GAP43: variants seen among roughly 807,000 people sequenced by gnomAD.
GAP43 encodes the protein growth associated protein 43.
Under a neutral mutation model 18.6 loss-of-function variants are expected in GAP43, and 6 were observed. The ratio of observed to expected loss-of-function variants is 0.32; its 90% CI spans 0.18 to 0.64. The LOEUF is 0.64. Ranked by LOEUF, GAP43 falls within the 30% of genes least tolerant of loss-of-function variation. The pLI is 0.78. For synonymous variants in GAP43, 115 were observed against 111.4 expected, an observed-to-expected ratio of 1.03 and a Z score of -0.20; for missense variants, 292 against 295.5, an observed-to-expected ratio of 0.99 and a Z score of 0.09.
Position 115,716,985 on chromosome 3 carries a change from G to A in GAP43, c.629-3809G>A, listed in dbSNP as rs192679339. On this transcript the variant is annotated intron_variant, in intron 2 of 2. Transcript: ENST00000305124. ...AGTGCCGAATTGCTAAAATGAGTTT[G>A]GCCACCTGATATAATCGGAAAAACT... Among the ~76,000 whole-genome samples, 571 of 151,778 alleles carry A rather than the reference G, an allele frequency of 3.8e-3. 6 individuals carry two copies. The highest frequency in any genetic ancestry group is 0.013 in the African/African-American group (552 of 41,362).
At chr3:115,635,192 T>G (rs947353831) in intron 1 of GAP43, among the ~76,000 whole-genome samples, 1 of 152,148 alleles carries the variant, frequency 6.6e-6, no homozygotes, top group Non-Finnish European at 1.5e-5. Context: ...GGAAATTGTT[T>G]TCTCTATCAC....
chr3:115,686,900 C>T (rs1047603925), intron 2 of GAP43, among the ~76,000 whole-genome samples: 2 of 152,086 alleles, frequency 1.3e-5, no homozygotes, highest in African/African-American at 2.4e-5. Flanking sequence ...AGATGCTTTT[C>T]GTGCTAGGAG....
At chr3:115,635,784 TC>T (rs1395952252) in intron 1 of GAP43, among the ~76,000 whole-genome samples, 9 of 151,902 alleles carry the variant, frequency 5.9e-5, no homozygotes, top group Admixed American at 5.9e-4. Context: ...AACTTAGGAC[TC>T]AATTCAGTTT....
intron 2 of GAP43, among the ~76,000 whole-genome samples, chr3:115,716,932 A>G (rs1334814106): frequency 1.3e-5 from 2 of 151,408 alleles, no homozygotes; most frequent in Non-Finnish European, 2.9e-5. Flanking sequence ...GGTCACTAAA[A>G]CCCTATGGAC....
intron 2 of GAP43, among the ~76,000 whole-genome samples, chr3:115,710,930 C>T (rs891817253): frequency 1.3e-5 from 2 of 152,082 alleles, no homozygotes; most frequent in African/African-American, 4.8e-5. Context: ...TCCAGCCTGC[C>T]AAGGCATAAA....
chr3:115,712,993 G>A (rs910716188), intron 2 of GAP43, among the ~76,000 whole-genome samples: 1 of 152,126 alleles, frequency 6.6e-6, no homozygotes, highest in Admixed American at 6.6e-5. Context: ...AAATATACTG[G>A]CTCAGTGTTT....
chr3:115,624,356 A>T (rs1708157269), intron 1 of GAP43, among the ~76,000 whole-genome samples: 1 of 151,748 alleles, frequency 6.6e-6, no homozygotes, highest in South Asian at 2.1e-4. Context: ...GAAATTGGCC[A>T]TGCAGAAGGA....
intron 1 of GAP43, among the ~76,000 whole-genome samples, chr3:115,669,514 C>T (rs1048374974): frequency 6.6e-6 from 1 of 152,184 alleles, no homozygotes; most frequent in Non-Finnish European, 1.5e-5. Context: ...CAAGGTACTT[C>T]TCAAAGGCTG....
intron 1 of GAP43, among the ~76,000 whole-genome samples, chr3:115,650,201 T>C (rs1372529366): frequency 6.6e-6 from 1 of 152,112 alleles, no homozygotes; most frequent in East Asian, 1.9e-4. Context: ...TCTCATCCTG[T>C]GGTTATTTTT....
At chr3:115,707,026 T>C (rs576665512) in intron 2 of GAP43, among the ~76,000 whole-genome samples, 1 of 152,324 alleles carries the variant, frequency 6.6e-6, no homozygotes, top group African/African-American at 2.4e-5. Context: ...TACATTTTGA[T>C]TACCTATATG....
chr3:115,678,298 C>A (rs1234677407), intron 2 of GAP43, among the ~76,000 whole-genome samples: 1 of 152,142 alleles, frequency 6.6e-6, no homozygotes, highest in Non-Finnish European at 1.5e-5. Flanking sequence ...CAGAACATAT[C>A]TGACATGGCA....
At chr3:115,634,401 T>A (rs1430689810) in intron 1 of GAP43, among the ~76,000 whole-genome samples, 3 of 152,134 alleles carry the variant, frequency 2.0e-5, no homozygotes, top group African/African-American at 7.2e-5. Context: ...CTATAACAGC[T>A]GTTTCCAAGG....
chr3:115,717,733 A>ACTT (rs1709528689), intron 2 of GAP43, among the ~76,000 whole-genome samples: 1 of 151,894 alleles, frequency 6.6e-6, no homozygotes, highest in African/African-American at 2.4e-5. Context: ...TCCAGTAACA[A>ACTT]CTTATTGAAC....
chr3:115,624,265 T>C (rs149393520), intron 1 of GAP43, among the ~76,000 whole-genome samples: 74 of 151,680 alleles, frequency 4.9e-4, no homozygotes, highest in Non-Finnish European at 7.5e-4. Flanking sequence ...TTAGTATTTA[T>C]TTTTCAATGA....
At chr3:115,720,317 G>A (rs934693625) in intron 2 of GAP43, among the ~76,000 whole-genome samples, 1 of 152,166 alleles carries the variant, frequency 6.6e-6, no homozygotes, top group Non-Finnish European at 1.5e-5. Flanking sequence ...GACTAGCACT[G>A]TCCCACAGGA....
In GAP43 at chr3:115,676,521, C is replaced by A. The variant is rs1333101499; in HGVS notation, c.539C>A (p.Thr180Asn). 6.2e-7 allele frequency: 1 copy of A among 1,613,696 alleles called. No homozygotes were observed. Among genetic ancestry groups the A allele is most frequent in the Non-Finnish European group, 8.5e-7 (1 of 1,179,966 alleles). Residue 180 changes from threonine (T) to asparagine (N), a missense_variant, in exon 2 of 3, where the codon ACC (threonine) becomes AAC (asparagine). By Grantham distance (65) the Thr-to-Asn change is moderately conservative (BLOSUM62 0). Transcript: ENST00000305124. ...VPAAVTAAAATTPAAEDAAAK... is the reference protein window; with the variant it reads ...VPAAVTAAAANTPAAEDAAAK... ...GCTGCTGTCACTGCTGCTGCTGCCA[C>A]CACCCCTGCCGCAGAGGATGCTGCT...
chr3:115,718,552 A>T (rs182976038), intron 2 of GAP43, among the ~76,000 whole-genome samples: 23 of 152,296 alleles, frequency 1.5e-4, no homozygotes, highest in Admixed American at 1.4e-3. Flanking sequence ...TCAACAGGTA[A>T]TTACAGTCAC....
At chr3:115,718,864 A>G (rs1256105611) in intron 2 of GAP43, among the ~76,000 whole-genome samples, 1 of 152,216 alleles carries the variant, frequency 6.6e-6, no homozygotes, top group Non-Finnish European at 1.5e-5. Flanking sequence ...AAGAAATTCC[A>G]TAAATTTGTT....
At position 115,637,558 on chromosome 3, in the gene GAP43, A is replaced by T. The variant is rs571255546; in HGVS notation, c.30+13839A>T. 5.9e-5 allele frequency among the ~76,000 whole-genome samples: 9 copies of T among 152,050 alleles called. No individual in the cohort carries two copies. In the East Asian group the frequency reaches 1.2e-3, roughly 20 times the overall value. Reference sequence around the variant, plus strand: ...GCTTCTCTTTTCTACCAACCTCTGAAAAGTTGGTGTTATTCAGCGTTTTGT... The same window carrying T: ...GCTTCTCTTTTCTACCAACCTCTGATAAGTTGGTGTTATTCAGCGTTTTGT... On this transcript the variant is annotated intron_variant, in intron 1 of 2. Coordinates refer to ENST00000305124, the MANE Select transcript of GAP43 (RefSeq NM_002045.4).
Sources: allele counts gnomAD v4.1 joint callset (sites outside exome capture counted in the v4.1 genomes callset), GRCh38; gene constraint gnomAD v4.1.1; transcripts MANE v1.5; gene names NCBI Gene and HGNC (gene_info 2026-07-23, HGNC 2026-07-21).